The following ZNF521 variants were observed in gnomAD, a reference collection of about 807,000 sequenced individuals.
The protein encoded by ZNF521 is LYST-interacting protein 3.
In ZNF521, 14 loss-of-function variants were observed where a neutral mutation model predicts 105.5. The observed-to-expected ratio is 0.13, with a 90% confidence interval of 0.09 to 0.21. The LOEUF (loss-of-function observed/expected upper bound fraction) is 0.21. ZNF521 is among the 10% of genes least tolerant of loss of function. The pLI is 1.00. For missense variants in ZNF521, 1,233 were observed against 1,629.7 expected, an observed-to-expected ratio of 0.76 and a Z score of 4.19; for synonymous variants, 635 against 606.0, an observed-to-expected ratio of 1.05 and a Z score of -0.70.
chr18:25,118,840 A>G (rs1418399462), intron 5 of ZNF521, among the ~76,000 whole-genome samples: 1 of 152,118 alleles, frequency 6.6e-6, no homozygotes, highest in Non-Finnish European at 1.5e-5. Flanking sequence ...AGATTGTCAG[A>G]ATGAATAAAA....
At chr18:25,203,300 TG>T in intron 4 of ZNF521, among the ~76,000 whole-genome samples, 1 of 152,038 alleles carries the variant, frequency 6.6e-6, no homozygotes, top group East Asian at 1.9e-4. Context: ...AGGTCTAAAA[TG>T]GGAATAATTT....
chr18:25,081,018 G>A (rs1485144792), intron 7 of ZNF521, among the ~76,000 whole-genome samples: 1 of 152,114 alleles, frequency 6.6e-6, no homozygotes. Flanking sequence ...CTTCCTAATG[G>A]AGGCAGATCT....
chr18:25,316,562 A>G (rs566611709), intron 3 of ZNF521, among the ~76,000 whole-genome samples: 74 of 152,192 alleles, frequency 4.9e-4, no homozygotes, highest in African/African-American at 1.8e-3. Flanking sequence ...GCATCATATT[A>G]CTTTTTTAAT....
intron 5 of ZNF521, among the ~76,000 whole-genome samples, chr18:25,118,686 A>T (rs568198958): frequency 6.6e-6 from 1 of 152,198 alleles, no homozygotes; most frequent in South Asian, 2.1e-4. Context: ...GAATTATAAA[A>T]ACGATTCAGA....
intron 6 of ZNF521, among the ~76,000 whole-genome samples, chr18:25,089,794 C>T (rs536629274): frequency 2.0e-4 from 31 of 152,192 alleles, no homozygotes; most frequent in African/African-American, 7.0e-4. Context: ...TCAACCCAAA[C>T]AGCTCCAAAG....
intron 5 of ZNF521, among the ~76,000 whole-genome samples, chr18:25,148,129 G>C (rs2034979373): frequency 6.6e-6 from 1 of 152,160 alleles, no homozygotes; most frequent in Non-Finnish European, 1.5e-5. Context: ...TTTGGAGAAG[G>C]GGACAGCTGG....
Position 25,207,081 on chromosome 18 carries a change from A to G in ZNF521, c.3574-11837T>C, listed in dbSNP as rs1029048064. ...CGAAAATATCTTTTTGAAAAATAGG[A>G]AAAAAAATGCCCCCATATTCTCTGC... On this transcript the variant is annotated intron_variant, in intron 4 of 7. Transcript: ENST00000361524. Among the ~76,000 whole-genome samples, 3 of 43,018 alleles carry G rather than the reference A, an allele frequency of 7.0e-5. No homozygotes were observed. In the East Asian group the frequency reaches 2.2e-3, roughly 32 times the overall value. 28.2% of individuals were successfully genotyped at this position (43,018 alleles called of 152,430 possible).
At chr18:25,322,329 G>T in intron 2 of ZNF521, 142 bp from the exon 3 acceptor site, 1 of 856,348 alleles carries the variant, frequency 1.2e-6, no homozygotes, top group South Asian at 1.3e-5. Flanking sequence ...TTTATTACAG[G>T]AGAATCAAAA....
At chr18:25,206,683 T>C (rs2036086901) in intron 4 of ZNF521, among the ~76,000 whole-genome samples, 1 of 152,170 alleles carries the variant, frequency 6.6e-6, no homozygotes, top group Non-Finnish European at 1.5e-5. Context: ...TCTTACTTTG[T>C]TTCTCTCTTT....
intron 3 of ZNF521, among the ~76,000 whole-genome samples, chr18:25,253,005 T>A (rs1908223464): frequency 6.6e-6 from 1 of 152,174 alleles, no homozygotes; most frequent in Non-Finnish European, 1.5e-5. Context: ...ACGCAGTAGT[T>A]ACTACCATTC....
At chr18:25,073,070 G>T (rs2033265854) in intron 7 of ZNF521, among the ~76,000 whole-genome samples, 1 of 151,892 alleles carries the variant, frequency 6.6e-6, no homozygotes, top group African/African-American at 2.4e-5. Context: ...ATTGTAATGT[G>T]TTCATCTTGG....
intron 3 of ZNF521, among the ~76,000 whole-genome samples, chr18:25,275,891 TGAGA>T (rs1909998969): frequency 6.6e-6 from 1 of 151,064 alleles, no homozygotes; most frequent in African/African-American, 2.4e-5. Context: ...GTGAGGGGAG[TGAGA>T]GAAAGGTGAT....
chr18:25,154,066 C>T (rs2035098764), intron 5 of ZNF521, among the ~76,000 whole-genome samples: 1 of 152,200 alleles, frequency 6.6e-6, no homozygotes, highest in South Asian at 2.1e-4. Context: ...GGTTTACCAT[C>T]TTCCAAATCT....
chr18:25,350,460 G>A (rs947203520), intron 2 of ZNF521, among the ~76,000 whole-genome samples: 8 of 152,164 alleles, frequency 5.3e-5, no homozygotes, highest in Non-Finnish European at 7.3e-5. Context: ...CCACCTCCGA[G>A]ATGACTTTTT....
chr18:25,309,946 T>A (rs1040798496), intron 3 of ZNF521, among the ~76,000 whole-genome samples: 13 of 152,202 alleles, frequency 8.5e-5, no homozygotes, highest in African/African-American at 2.9e-4. Flanking sequence ...TTCTTTTAAA[T>A]TTTTTTAACA....
chr18:25,349,394 C>T (rs1914602637), intron 2 of ZNF521, among the ~76,000 whole-genome samples: 1 of 152,186 alleles, frequency 6.6e-6, no homozygotes, highest in Non-Finnish European at 1.5e-5. Flanking sequence ...GCCCATGTGA[C>T]GGAAACCACC....
chr18:25,310,722 T>C (rs1213588288), intron 3 of ZNF521, among the ~76,000 whole-genome samples: 2 of 152,174 alleles, frequency 1.3e-5, no homozygotes, highest in African/African-American at 2.4e-5. Context: ...ATTTGTTGCA[T>C]TGACCCTGTT....
chr18:25,084,395 C>G (rs1054547785), intron 7 of ZNF521, among the ~76,000 whole-genome samples: 2 of 150,892 alleles, frequency 1.3e-5, no homozygotes, highest in African/African-American at 4.8e-5. Context: ...ACTCAAGCAC[C>G]AGTTAAACTG....
intron 5 of ZNF521, among the ~76,000 whole-genome samples, chr18:25,165,225 TG>T (rs2035317817): frequency 6.6e-6 from 1 of 152,224 alleles, no homozygotes; most frequent in South Asian, 2.1e-4. Flanking sequence ...TAAGGTTTTA[TG>T]GGAATTAGAT....
Sources: allele counts gnomAD v4.1 joint callset (sites outside exome capture counted in the v4.1 genomes callset), GRCh38; gene constraint gnomAD v4.1.1; transcripts MANE v1.5; gene names NCBI Gene and HGNC (gene_info 2026-07-23, HGNC 2026-07-21).